ARPP19: variants seen among roughly 807,000 people sequenced by gnomAD.
ARPP19 encodes the protein cAMP regulated phosphoprotein 19, also known as cAMP-regulated phosphoprotein 19.
ARPP19 carries 8 observed loss-of-function variants against 12.0 expected under a neutral mutation model. The observed-to-expected ratio is 0.67, with a 90% CI of 0.39 to 1.21. ARPP19 has a LOEUF of 1.21. Ranked by LOEUF, ARPP19 falls within the 50% of genes most tolerant of loss-of-function variation. The pLI is 0.01. For synonymous variants in ARPP19, 47 were observed against 50.4 expected (o/e 0.93, Z 0.29); for missense variants, 102 against 136.3 (o/e 0.75, Z 1.25).
intron 2 of ARPP19, chr15:52,556,869 A>G: frequency 2.5e-6 from 1 of 402,836 alleles, no homozygotes; most frequent in Non-Finnish European, 4.4e-6. Context: ...TATCTGCACT[A>G]TTTCTACATG....
intron 1 of ARPP19, among the ~76,000 whole-genome samples, chr15:52,563,690 T>C (rs1428054610): frequency 2.6e-5 from 4 of 152,152 alleles, no homozygotes; most frequent in Non-Finnish European, 5.9e-5. Context: ...CAGAGGAGGG[T>C]TATACAGCAA....
In ARPP19 at chr15:52,563,448, A is replaced by T. The variant is rs576479065; in HGVS notation, c.45+5400T>A. ...ACGATGTATGTATCCAAAAAACAAA[A>T]ACAAAAATCTTAAGAACAGTATTTT... On this transcript the variant is annotated intron_variant, in intron 1 of 2. Coordinates refer to ENST00000249822, the MANE Select transcript of ARPP19 (RefSeq NM_006628.6). 6.0e-4 allele frequency among the ~76,000 whole-genome samples: 91 copies of T among 152,308 alleles called. No individual in the cohort carries two copies. The Middle Eastern group carries it at 0.02, about 34-fold the overall frequency.
At chr15:52,558,224 G>T (rs1019238701) in intron 1 of ARPP19, among the ~76,000 whole-genome samples, 3 of 152,126 alleles carry the variant, frequency 2.0e-5, no homozygotes, top group African/African-American at 7.2e-5. Context: ...GCTGTGGGCG[G>T]ATTGCTTGAA....
At chr15:52,560,456 C>A (rs558301958) in intron 1 of ARPP19, among the ~76,000 whole-genome samples, 1 of 152,236 alleles carries the variant, frequency 6.6e-6, no homozygotes, top group Non-Finnish European at 1.5e-5. Context: ...CAAGCCGATT[C>A]TTGAACTTTC....
At chr15:52,557,005 G>C in intron 2 of ARPP19, 95 bp downstream of exon 2, 3 of 1,356,570 alleles carry the variant, frequency 2.2e-6, no homozygotes, top group Non-Finnish European at 3.1e-6. Context: ...ACCTGATAAA[G>C]TACAATGCTA....
chr15:52,551,943 C>T lies in ARPP19; in HGVS notation c.330G>A (p.Leu110=), dbSNP rs571088882. The change falls in exon 3 of 3, where the codon CTG becomes CTA. Residue 110 remains leucine, a synonymous_variant. Transcript: ENST00000249822. ...CAGTTCAGCCTCTTAATCAGCCAGCCAGCTTGCTAGCAACAAGGGACGGCT... is the reference window on the plus strand; with the variant it reads ...CAGTTCAGCCTCTTAATCAGCCAGCTAGCTTGCTAGCAACAAGGGACGGCT... ...QRKPSLVASK[L]AG is the part of the protein sequence containing the mutation. The T allele has an allele frequency of 1.2e-6, 2 of 1,612,592 alleles. No individual in the cohort carries two copies. Among genetic ancestry groups the T allele is most frequent in the Admixed American group, 1.7e-5 (1 of 59,820 alleles).
At chr15:52,567,483 A>C (rs779665246) in intron 1 of ARPP19, among the ~76,000 whole-genome samples, 2 of 152,206 alleles carry the variant, frequency 1.3e-5, no homozygotes, top group African/African-American at 4.8e-5. Flanking sequence ...CACCACAGAC[A>C]GGGACTTGTT....
At position 52,547,492 on chromosome 15, in the gene ARPP19, C is replaced by T. The variant is rs181175136; in HGVS notation, c.*4442G>A. 21 of 152,212 alleles carry T rather than the reference C, an allele frequency of 1.4e-4. No individual in the cohort carries two copies. Among genetic ancestry groups the T allele is most frequent in the Admixed American group, 9.8e-4 (15 of 15,290 alleles). The allele number at this position is 152,212 out of a possible 1,614,324, so 9.4% of individuals were successfully genotyped here. A position where few individuals can be genotyped will look rare whatever the true frequency, so the allele number is the denominator to read the frequency against. ...TATTAAATATGTTTTTTTCCAACTGCGATTTAGTTGAAAAATAACATAATA... is the reference window on the plus strand; with the variant it reads ...TATTAAATATGTTTTTTTCCAACTGTGATTTAGTTGAAAAATAACATAATA... On this transcript the variant is annotated 3_prime_UTR_variant, in exon 3 of 3. Transcript: ENST00000249822.
At chr15:52,569,114 A>G (rs2078117979), upstream of ARPP19, 2 of 534,536 alleles carry the variant, frequency 3.7e-6, no homozygotes, top group Non-Finnish European at 6.6e-6. Flanking sequence ...ACCCCTACCT[A>G]CTTGACCCCG....
chr15:52,564,189 C>A, intron 1 of ARPP19: 2 of 1,530,800 alleles, frequency 1.3e-6, no homozygotes, highest in Non-Finnish European at 1.8e-6. Flanking sequence ...CTGAGGTTTA[C>A]CTCTAGGCTG....
At chr15:52,555,097 TTC>T (rs1254694189) in intron 2 of ARPP19, among the ~76,000 whole-genome samples, 10 of 152,214 alleles carry the variant, frequency 6.6e-5, no homozygotes, top group South Asian at 2.1e-4. Flanking sequence ...TTCACTGACA[TTC>T]TGTTATAATA....
intron 2 of ARPP19, 183 bp downstream of exon 2, chr15:52,556,917 T>C (rs1410224292): frequency 3.8e-6 from 2 of 526,360 alleles, no homozygotes; most frequent in South Asian, 3.7e-5. Flanking sequence ...TGAAGAGTTG[T>C]AGATTCTCAC....
chr15:52,549,719 T>C lies in ARPP19; in HGVS notation c.*2215A>G, dbSNP rs2077911374. Reference sequence around the variant, plus strand: ...ATAACATGGTCTCTGATCTTTCAGATTAATCTTTCATGTGTGAATTTAATG... The same window carrying C: ...ATAACATGGTCTCTGATCTTTCAGACTAATCTTTCATGTGTGAATTTAATG... On this transcript the variant is annotated 3_prime_UTR_variant, in exon 3 of 3. Transcript: ENST00000249822. 6.6e-6 allele frequency: 1 copy of C among 152,642 alleles called. No individual in the cohort carries two copies. The highest frequency in any genetic ancestry group is 1.5e-5 in the Non-Finnish European group (1 of 68,038). 9.5% of individuals were successfully genotyped at this position (152,642 alleles called of 1,614,324 possible).
intron 2 of ARPP19, among the ~76,000 whole-genome samples, chr15:52,554,691 T>TAC (rs1469928321): frequency 6.6e-6 from 1 of 152,148 alleles, no homozygotes; most frequent in African/African-American, 2.4e-5. Flanking sequence ...CCATGTTTCT[T>TAC]ACAACTGGAT....
At chr15:52,558,055 A>C (rs1479421150) in intron 1 of ARPP19, among the ~76,000 whole-genome samples, 1 of 152,192 alleles carries the variant, frequency 6.6e-6, no homozygotes, top group African/African-American at 2.4e-5. Context: ...CCATCTATTC[A>C]CTTTGAACAA....
chr15:52,549,945 T>C lies in ARPP19; in HGVS notation c.*1989A>G, dbSNP rs894783152. ...TTTTCTGCCTTTTGGGGTGAGTAGATCAGGAAGATAATCAGCAAGCTTTCC... is the reference window on the plus strand; with the variant it reads ...TTTTCTGCCTTTTGGGGTGAGTAGACCAGGAAGATAATCAGCAAGCTTTCC... On this transcript the variant is annotated 3_prime_UTR_variant, in exon 3 of 3. Coordinates refer to ENST00000249822, the MANE Select transcript of ARPP19 (RefSeq NM_006628.6). 12 of 152,542 alleles carry C rather than the reference T, an allele frequency of 7.9e-5. No individual in the cohort carries two copies. Among genetic ancestry groups the C allele is most frequent in the African/African-American group, 2.9e-4 (12 of 41,408 alleles). 9.4% of individuals were successfully genotyped at this position (152,542 alleles called of 1,614,324 possible).
At chr15:52,567,894 C>G (rs1371363201) in intron 1 of ARPP19, among the ~76,000 whole-genome samples, 3 of 152,070 alleles carry the variant, frequency 2.0e-5, no homozygotes, top group African/African-American at 7.3e-5. Context: ...TCGTATTTAA[C>G]GGCAACACAA....
chr15:52,557,253 A>T, intron 1 of ARPP19, 31 bp from the exon 2 acceptor site: 1 of 1,515,492 alleles, frequency 6.6e-7, no homozygotes, highest in Middle Eastern at 1.7e-4. Flanking sequence ...TTACTTCTCT[A>T]TTACAACTCA....
At chr15:52,568,523 C>A in intron 1 of ARPP19, 1 of 309,088 alleles carries the variant, frequency 3.2e-6, no homozygotes, top group Non-Finnish European at 5.9e-6. Flanking sequence ...ACTTCCTAAC[C>A]AAATTGAGGC....
Sources: allele counts gnomAD v4.1 joint callset (sites outside exome capture counted in the v4.1 genomes callset), GRCh38; gene constraint gnomAD v4.1.1; transcripts MANE v1.5; gene names NCBI Gene and HGNC (gene_info 2026-07-23, HGNC 2026-07-21).